The following PLP1 variants were observed in gnomAD, a reference collection of about 807,000 sequenced individuals.
PLP1 encodes proteolipid protein 1.
PLP1 carries 2 observed loss-of-function variants against 18.5 expected under a neutral mutation model. The ratio of observed to expected loss-of-function variants is 0.11; its 90% CI spans 0.04 to 0.34. The LOEUF (loss-of-function observed/expected upper bound fraction) is 0.34. PLP1 is among the 10% of genes least tolerant of loss of function. The probability of loss-of-function intolerance (pLI) is 1.00; values close to 1 mark genes in which losing one functional copy is unlikely to be tolerated. For synonymous variants in PLP1, 86 were observed against 83.2 expected (o/e 1.03, Z -0.19); for missense variants, 105 against 207.3 (o/e 0.51, Z 3.03).
At chrX:103,784,647 G>T (rs2074479887) in intron 1 of PLP1, among the ~76,000 whole-genome samples, 1 of 112,076 alleles carries the variant, frequency 8.9e-6, no homozygotes, top group Admixed American at 9.5e-5. Flanking sequence ...CACCTGGAAT[G>T]CTCTTCATGC....
At chrX:103,787,585 T>A in intron 3 of PLP1, 1 of 441,891 alleles carries the variant, frequency 2.3e-6, no homozygotes, top group African/African-American at 2.4e-5. Context: ...CCCCTACCCA[T>A]TCCCCCCACC....
chrX:103,784,558 G>A (rs1182382819), intron 1 of PLP1, among the ~76,000 whole-genome samples: 1 of 111,928 alleles, frequency 8.9e-6, no homozygotes, highest in Non-Finnish European at 1.9e-5. Context: ...TGTAAACTAA[G>A]AAGAATCAAG....
Position 103,786,534 on chromosome X carries a change from G to A in PLP1, c.261G>A (p.Leu87=), listed in dbSNP as rs1427604249. 8.3e-7 allele frequency: 1 copy of A among 1,208,931 alleles called. No individual in the cohort carries two copies. Among genetic ancestry groups the A allele is most frequent in the African/African-American group, 1.8e-5 (1 of 56,935 alleles). ...SFFFLYGALL[L]AEGFYTTGAV... ...TCTTCCTTTATGGGGCCCTCCTGCT[G>A]GCTGAGGGCTTCTACACCACCGGCG... Residue 87 remains leucine, a synonymous_variant, in exon 3 of 7, where the codon CTG becomes CTA. Transcript: ENST00000621218.
rs1180177385 is a variant in PLP1, at chrX:103,791,510, G to C, written c.*912G>C. On this transcript the variant is annotated 3_prime_UTR_variant, in exon 7 of 7. Coordinates refer to ENST00000621218, the MANE Select transcript of PLP1 (RefSeq NM_000533.5). ...ATGGCCCTCTGGTAGACACAGGATA[G>C]ATAACTCTTTGGATAGCATGTCTTT... is the stretch of plus-strand genomic sequence containing the variant. 8.9e-6 allele frequency: 1 copy of C among 112,417 alleles called. No homozygotes were observed. Among genetic ancestry groups the C allele is most frequent in the Non-Finnish European group, 1.9e-5 (1 of 53,240 alleles). 9.3% of individuals were successfully genotyped at this position (112,417 alleles called of 1,213,427 possible).
intron 1 of PLP1, among the ~76,000 whole-genome samples, chrX:103,777,603 T>C (rs1278077600): frequency 1.8e-5 from 2 of 112,005 alleles, no homozygotes; most frequent in Admixed American, 9.5e-5. Flanking sequence ...TGCATGTGTG[T>C]GCACATATAG....
At chrX:103,789,089 A>T (rs2074522896) in intron 5 of PLP1, 1 of 419,285 alleles carries the variant, frequency 2.4e-6, no homozygotes, top group Admixed American at 3.9e-5. Context: ...GGAACCAGTT[A>T]ATTATTTTGG....
Position 103,780,435 on chromosome X carries a change from C to CTGTGTG in PLP1, c.4+3437_4+3438insGTGTGT, listed in dbSNP as rs759765185. On this transcript the variant is annotated intron_variant, in intron 1 of 6. Coordinates refer to ENST00000621218, the MANE Select transcript of PLP1 (RefSeq NM_000533.5). ...AATGTGTACATCATTCATTCTGTCTCTCTCTGTGTGTGTGTGTGTGTGTGT... is the reference window on the plus strand; with the variant it reads ...AATGTGTACATCATTCATTCTGTCTCTGTGTGTCTCTGTGTGTGTGTGTGTGTGTGT... 4.8e-3 allele frequency among the ~76,000 whole-genome samples: 328 copies of CTGTGTG among 68,282 alleles called. 1 individual carries two copies. Among genetic ancestry groups the CTGTGTG allele is most frequent in the Middle Eastern group, 7.9e-3 (1 of 126 alleles). 59.3% of individuals were successfully genotyped at this position (68,282 alleles called of 115,157 possible). A position where few individuals can be genotyped will look rare whatever the true frequency, so the allele number is the denominator to read the frequency against.
Position 103,786,477 on chromosome X carries a change from C to T in PLP1, c.204C>T (p.Phe68=). The stretch of plus-strand genomic sequence containing the variant: ...CCTGTTAATGCAGGATCCATGCCTT[C>T]CAGTATGTCATCTATGGAACTGCCT... ...YEYLINVIHA[F]QYVIYGTASF... is the part of the protein sequence containing the mutation. The change falls in exon 3 of 7, where the codon TTC becomes TTT. Residue 68 remains phenylalanine, a synonymous_variant. Coordinates refer to ENST00000621218, the MANE Select transcript of PLP1 (RefSeq NM_000533.5). 8.3e-7 allele frequency: 1 copy of T among 1,209,464 alleles called. No individual in the cohort carries two copies. Among genetic ancestry groups the T allele is most frequent in the Non-Finnish European group, 1.1e-6 (1 of 893,491 alleles).
chrX:103,780,617 T>G (rs773418220), intron 1 of PLP1, among the ~76,000 whole-genome samples: 1 of 111,561 alleles, frequency 9.0e-6, no homozygotes, highest in African/African-American at 3.3e-5. Flanking sequence ...AGGCTTGGAT[T>G]CCCAGGCCCC....
rs2074537947 is a variant in PLP1, at chrX:103,790,671, C to T, written c.*73C>T. 1 of 795,644 alleles carries T rather than the reference C, an allele frequency of 1.3e-6. No individual in the cohort carries two copies. Among genetic ancestry groups the T allele is most frequent in the Non-Finnish European group, 1.9e-6 (1 of 515,357 alleles). The allele number at this position is 795,644 out of a possible 1,213,427, so 65.6% of individuals were successfully genotyped here. A position where few individuals can be genotyped will look rare whatever the true frequency, so the allele number is the denominator to read the frequency against. ...CAGCCTACAATGCTGCGTCTCCCAT[C>T]TTAACTCTTTGCCTTTGCCACCAAC... On this transcript the variant is annotated 3_prime_UTR_variant, in exon 7 of 7. Coordinates refer to ENST00000621218, the MANE Select transcript of PLP1 (RefSeq NM_000533.5).
At chrX:103,776,777 G>A (rs1449281431), upstream of PLP1, 6 of 400,750 alleles carry the variant, frequency 1.5e-5, no homozygotes, top group African/African-American at 1.7e-4. Context: ...GGAGAAGGGA[G>A]GAGGAGAGGA....
intron 2 of PLP1, 66 bp from the exon 3 acceptor site, chrX:103,786,399 C>A (rs1358411572): frequency 3.5e-6 from 4 of 1,138,559 alleles, no homozygotes; most frequent in Non-Finnish European, 4.8e-6. Context: ...TCACTTATGT[C>A]GGGAAAGAAG....
Position 103,787,984 on chromosome X carries a change from T to C in PLP1, c.622+18T>C, listed in dbSNP as rs760605698. ...AATGTATGGTGAGTTAGGGTACGGG[T>C]GCTTTGGCTCTCCTACCCACTATGG... is the stretch of plus-strand genomic sequence containing the variant. On this transcript the variant is annotated intron_variant, in intron 4 of 6. Transcript: ENST00000621218. 1.7e-6 allele frequency: 2 copies of C among 1,177,968 alleles called. No individual in the cohort carries two copies. Among genetic ancestry groups the C allele is most frequent in the South Asian group, 3.6e-5 (2 of 56,317 alleles).
chrX:103,786,402 G>A, intron 2 of PLP1, 63 bp from the exon 3 acceptor site: 1 of 1,153,864 alleles, frequency 8.7e-7, no homozygotes, highest in Non-Finnish European at 1.2e-6. Context: ...CTTATGTCGG[G>A]AAAGAAGCCA....
At chrX:103,783,227 T>C (rs2074468132) in intron 1 of PLP1, among the ~76,000 whole-genome samples, 1 of 112,341 alleles carries the variant, frequency 8.9e-6, no homozygotes, top group African/African-American at 3.2e-5. Flanking sequence ...TACACATGCA[T>C]GCATGTGCGT....
Position 103,781,593 on chromosome X carries a change from C to T in PLP1, c.5-3989C>T, listed in dbSNP as rs769850744. On this transcript the variant is annotated intron_variant, in intron 1 of 6. Coordinates refer to ENST00000621218, the MANE Select transcript of PLP1 (RefSeq NM_000533.5). ...ATTTCAAGTTTTCTAAAGAAAGGGACTGGCCTTTTAATTCCCTTCTGTTTC... is the reference window on the plus strand; with the variant it reads ...ATTTCAAGTTTTCTAAAGAAAGGGATTGGCCTTTTAATTCCCTTCTGTTTC... Among the ~76,000 whole-genome samples the T allele has an allele frequency of 9.4e-4, 106 of 112,532 alleles. 1 individual carries two copies. Among genetic ancestry groups the T allele is most frequent in the African/African-American group, 3.1e-3 (95 of 31,016 alleles).
intron 6 of PLP1, 63 bp downstream of exon 6, chrX:103,789,461 T>C: frequency 1.2e-6 from 1 of 863,985 alleles, no homozygotes; most frequent in Non-Finnish European, 1.7e-6. Flanking sequence ...GTACAGCTAT[T>C]CTGAAAGGCA....
chrX:103,788,755 G>A, intron 5 of PLP1: 2 of 400,180 alleles, frequency 5.0e-6, no homozygotes, highest in Non-Finnish European at 8.7e-6. Flanking sequence ...AGAGAAGTTT[G>A]TAGCTTTAGG....
chrX:103,780,368 C>T (rs1272473819), intron 1 of PLP1: 1 of 111,500 alleles, frequency 9.0e-6, no homozygotes, highest in East Asian at 2.8e-4. Flanking sequence ...TTTTAACAAT[C>T]AAAGTCCTAC....
Sources: allele counts gnomAD v4.1 joint callset (sites outside exome capture counted in the v4.1 genomes callset), GRCh38; gene constraint gnomAD v4.1.1; transcripts MANE v1.5; gene names NCBI Gene and HGNC (gene_info 2026-07-23, HGNC 2026-07-21).